The following TENM2 variants were observed in gnomAD, a reference collection of about 807,000 sequenced individuals.
The protein encoded by TENM2 is teneurin-2.
A neutral mutation model predicts 245.2 loss-of-function variants in TENM2; 52 were observed. The observed-to-expected ratio is 0.21, with a 90% CI of 0.17 to 0.27. TENM2 has a LOEUF of 0.27. TENM2 is among the 10% of genes least tolerant of loss of function. The pLI is 1.00. For missense variants in TENM2, 3,046 were observed against 3,666.8 expected (o/e 0.83, Z 4.37); for synonymous variants, 1,363 against 1,438.9 (o/e 0.95, Z 1.19).
At chr5:167,526,934 A>G (rs1771162594) in intron 2 of TENM2, among the ~76,000 whole-genome samples, 1 of 152,058 alleles carries the variant, frequency 6.6e-6, no homozygotes, top group Admixed American at 6.6e-5. Context: ...CGTATGCTGT[A>G]CCCTTATCTG....
At chr5:167,664,034 G>A (rs1329187130) in intron 2 of TENM2, among the ~76,000 whole-genome samples, 1 of 152,076 alleles carries the variant, frequency 6.6e-6, no homozygotes, top group Admixed American at 6.6e-5. Flanking sequence ...CCTGTCTCTT[G>A]TTCATGTTGC....
intron 2 of TENM2, among the ~76,000 whole-genome samples, chr5:167,475,059 CATAAAA>C (rs1239954393): frequency 6.6e-6 from 1 of 152,000 alleles, no homozygotes; most frequent in Admixed American, 6.6e-5. Flanking sequence ...CGGAGCTAAC[CATAAAA>C]ATTGAAAACA....
intron 1 of TENM2, among the ~76,000 whole-genome samples, chr5:167,326,904 T>C (rs1051663092): frequency 5.9e-5 from 9 of 151,876 alleles, no homozygotes; most frequent in African/African-American, 2.2e-4. Context: ...TGCATGCTAT[T>C]AGAGAAAGAA....
chr5:167,790,981 C>T (rs1764914280), intron 2 of TENM2, among the ~76,000 whole-genome samples: 1 of 152,070 alleles, frequency 6.6e-6, no homozygotes, highest in South Asian at 2.1e-4. Flanking sequence ...TTTCATTTTT[C>T]ACCCCAACCC....
intron 3 of TENM2, among the ~76,000 whole-genome samples, chr5:167,876,685 G>A (rs962709203): frequency 1.3e-5 from 2 of 152,126 alleles, no homozygotes; most frequent in African/African-American, 4.8e-5. Context: ...ATTACAATGT[G>A]TTCCGTTGAC....
intron 2 of TENM2, among the ~76,000 whole-genome samples, chr5:167,733,827 A>G (rs1760605065): frequency 6.6e-6 from 1 of 152,148 alleles, no homozygotes. Flanking sequence ...GGAAGCGGCT[A>G]TCATGTATTG....
chr5:167,343,930 A>G (rs575933649), intron 1 of TENM2, among the ~76,000 whole-genome samples: 1 of 152,074 alleles, frequency 6.6e-6, no homozygotes, highest in African/African-American at 2.4e-5. Context: ...CCATCATAAG[A>G]TATATTCATT....
chr5:167,160,788 G>C, the TENM2 span, among the ~76,000 whole-genome samples: 1 of 152,200 alleles, frequency 6.6e-6, no homozygotes, highest in Admixed American at 6.5e-5. Context: ...GGATGTGCCT[G>C]TTTTGTTTAC....
chr5:168,182,242 A>G (rs566265391), intron 13 of TENM2, among the ~76,000 whole-genome samples: 2 of 152,338 alleles, frequency 1.3e-5, no homozygotes, highest in African/African-American at 4.8e-5. Flanking sequence ...ATCAAGCCCA[A>G]ATACTTTCAA....
intron 2 of TENM2, among the ~76,000 whole-genome samples, chr5:167,632,692 C>A (rs894038185): frequency 2.0e-5 from 3 of 151,956 alleles, no homozygotes; most frequent in African/African-American, 7.3e-5. Context: ...CATGCACATA[C>A]ATGGAACATG....
intron 2 of TENM2, among the ~76,000 whole-genome samples, chr5:167,384,447 G>A (rs1371145511): frequency 4.6e-5 from 7 of 152,008 alleles, no homozygotes; most frequent in African/African-American, 1.7e-4. Flanking sequence ...ATTTTTCAGG[G>A]GACACTTTCT....
chr5:167,106,694 A>G, the TENM2 span, among the ~76,000 whole-genome samples: 8 of 152,196 alleles, frequency 5.3e-5, no homozygotes, highest in African/African-American at 1.9e-4. Flanking sequence ...ACTTTGGTGC[A>G]CAAGTGCTAT....
intron 3 of TENM2, chr5:167,949,045 T>A (rs538207594): frequency 6.6e-6 from 1 of 152,326 alleles, no homozygotes; most frequent in African/African-American, 2.4e-5. Context: ...GTGCTTGTGA[T>A]CATTTGTTGT....
intron 2 of TENM2, among the ~76,000 whole-genome samples, chr5:167,760,384 G>A: frequency 6.6e-6 from 1 of 152,194 alleles, no homozygotes; most frequent in East Asian, 1.9e-4. Context: ...CTGTTGGAAG[G>A]CATTGGACAT....
the TENM2 span, among the ~76,000 whole-genome samples, chr5:167,240,566 T>A: frequency 6.6e-6 from 1 of 152,084 alleles, no homozygotes; most frequent in Admixed American, 6.6e-5. Flanking sequence ...AAGAGCAGAG[T>A]TAAGGAGCTT....
At chr5:167,283,761 G>A (rs1771185228), upstream of TENM2, among the ~76,000 whole-genome samples, 1 of 152,162 alleles carries the variant, frequency 6.6e-6, no homozygotes, top group South Asian at 2.1e-4. Flanking sequence ...TATTTTGCAT[G>A]GCAAATGAAA....
At chr5:167,822,585 A>C (rs1767621552) in intron 2 of TENM2, among the ~76,000 whole-genome samples, 1 of 152,236 alleles carries the variant, frequency 6.6e-6, no homozygotes, top group Non-Finnish European at 1.5e-5. Context: ...AGAATGTCAG[A>C]ACTGTGGGAT....
At position 167,566,245 on chromosome 5, in the gene TENM2, C is replaced by T. The variant is rs142244899; in HGVS notation, c.502+190772C>T. On this transcript the variant is annotated intron_variant, in intron 2 of 28. Coordinates refer to ENST00000518659, the Ensembl canonical transcript of TENM2. ...AAGAAAACTGTGAGTGGAAGGGAGC[C>T]GTTTAAATGCAGAATTTCTTTGCAA... is the stretch of plus-strand genomic sequence containing the variant. Among the ~76,000 whole-genome samples the T allele has an allele frequency of 4.5e-3, 680 of 151,602 alleles. 7 individuals carry two copies. The highest frequency in any genetic ancestry group is 8.7e-3 in the Admixed American group (132 of 15,202).
chr5:168,030,663 C>G (rs1244681666), intron 5 of TENM2, among the ~76,000 whole-genome samples: 1 of 152,136 alleles, frequency 6.6e-6, no homozygotes, highest in African/African-American at 2.4e-5. Flanking sequence ...GAACCTAGCA[C>G]AACACCAGGC....
Sources: gnomAD v4.1 joint callset for allele counts (sites outside exome capture counted in the v4.1 genomes callset) on GRCh38, gnomAD v4.1.1 for gene constraint, MANE v1.5 for transcripts, NCBI Gene and HGNC (gene_info 2026-07-23, HGNC 2026-07-21) for gene names.